ZNF536: variants seen among roughly 807,000 people sequenced by gnomAD.
ZNF536 encodes zinc finger protein 536.
A neutral mutation model predicts 84.5 loss-of-function variants in ZNF536; 13 were observed. The observed-to-expected ratio is 0.15, with a 90% CI of 0.10 to 0.24. The LOEUF (loss-of-function observed/expected upper bound fraction) is 0.24, where lower values mean the gene tolerates loss of function less well. Ranked by LOEUF, ZNF536 falls within the 10% of genes least tolerant of loss-of-function variation. The pLI is 1.00. For missense variants in ZNF536, 1,536 were observed against 1,747.5 expected, an observed-to-expected ratio of 0.88 and a Z score of 2.16; for synonymous variants, 811 against 742.5, an observed-to-expected ratio of 1.09 and a Z score of -1.50.
At chr19:30,517,369 A>C (rs1171742882) in intron 2 of ZNF536, among the ~76,000 whole-genome samples, 2 of 152,100 alleles carry the variant, frequency 1.3e-5, no homozygotes, top group African/African-American at 4.8e-5. Flanking sequence ...CTGAGATGGC[A>C]AATTCAGAGA....
chr19:30,255,083 C>A (rs1199958475), intron 1 of ZNF536, among the ~76,000 whole-genome samples: 1 of 152,084 alleles, frequency 6.6e-6, no homozygotes, highest in African/African-American at 2.4e-5. Flanking sequence ...ATGAAATATC[C>A]CAGAATAATT....
At position 30,652,567 on chromosome 19, in the gene ZNF536, G is replaced by A. The variant is rs146615198; in HGVS notation, c.170-58190G>A. 1.1e-4 allele frequency among the ~76,000 whole-genome samples: 17 copies of A among 152,282 alleles called. No individual in the cohort carries two copies. In the East Asian group the frequency reaches 3.3e-3, roughly 29 times the overall value. On this transcript the variant is annotated intron_variant, in intron 1 of 1. Transcript: ENST00000592773. ...CAGCAGGCATTTCCACCGTCATCCT[G>A]AGGCCCCCATGGATGCAGAGAGGTG...
chr19:30,237,468 T>A lies in ZNF536; in HGVS notation c.-190+8795T>A, dbSNP rs191329319. Reference sequence around the variant, plus strand: ...CAAACACAAAATCATAATATGATAATTTGAGCTTAAACGTGAAGGTATTTA... The same window carrying A: ...CAAACACAAAATCATAATATGATAAATTGAGCTTAAACGTGAAGGTATTTA... On this transcript the variant is annotated intron_variant, in intron 1 of 5. Coordinates refer to the ZNF536 transcript ENST00000585628. 2.5e-4 allele frequency among the ~76,000 whole-genome samples: 38 copies of A among 152,316 alleles called. 1 individual carries two copies. In the East Asian group the frequency reaches 7.1e-3, roughly 29 times the overall value.
intron 1 of ZNF536, among the ~76,000 whole-genome samples, chr19:30,666,832 GTATA>G (rs67781281): frequency 4.7e-5 from 7 of 149,150 alleles, no homozygotes; most frequent in Non-Finnish European, 5.9e-5. Flanking sequence ...GTGTGTGTGT[GTATA>G]TATATATATA....
intron 1 of ZNF536, among the ~76,000 whole-genome samples, chr19:30,608,567 G>C (rs980341868): frequency 9.9e-5 from 15 of 152,154 alleles, no homozygotes; most frequent in African/African-American, 3.1e-4. Context: ...CCTGATTCCA[G>C]TCTGGGACCT....
At chr19:30,688,775 C>T (rs2051295661) in intron 1 of ZNF536, among the ~76,000 whole-genome samples, 1 of 152,160 alleles carries the variant, frequency 6.6e-6, no homozygotes, top group Non-Finnish European at 1.5e-5. Flanking sequence ...GCTTCTAAGG[C>T]GAGTGGGTAG....
At chr19:30,449,068 G>A (rs767000963) in intron 2 of ZNF536, among the ~76,000 whole-genome samples, 21 of 152,178 alleles carry the variant, frequency 1.4e-4, no homozygotes, top group Non-Finnish European at 1.9e-4. Context: ...GATCAACTGC[G>A]AAAACTAGGA....
At chr19:30,506,890 T>C (rs2055196431) in intron 2 of ZNF536, among the ~76,000 whole-genome samples, 1 of 152,230 alleles carries the variant, frequency 6.6e-6, no homozygotes, top group African/African-American at 2.4e-5. Flanking sequence ...TTAACTCTTT[T>C]GCCCTGAGAT....
intron 1 of ZNF536, among the ~76,000 whole-genome samples, chr19:30,709,423 C>T (rs1451602075): frequency 6.6e-6 from 1 of 152,160 alleles, no homozygotes; most frequent in Admixed American, 6.5e-5. Flanking sequence ...CTCACTCACC[C>T]CACCCCCAAA....
chr19:30,589,647 TGTGTTAC>T (rs2047210979), intron 1 of ZNF536, among the ~76,000 whole-genome samples: 1 of 151,902 alleles, frequency 6.6e-6, no homozygotes, highest in Admixed American at 6.6e-5. Flanking sequence ...AAAAGAAGGG[TGTGTTAC>T]CAAGCTGGTC....
rs984726746 is a variant in ZNF536 at position 30,542,469 on chromosome 19, G to A, written c.2324-5474G>A. 4.6e-5 allele frequency among the ~76,000 whole-genome samples: 7 copies of A among 152,306 alleles called. 1 individual carries two copies. In the South Asian group the frequency reaches 6.2e-4, roughly 14 times the overall value. ...TCAGTGGGAAGCTGGCTTACTGTAC[G>A]ACAGTGCCAATAATTTCATTAATCA... On this transcript the variant is annotated intron_variant, in intron 3 of 4. Transcript: ENST00000355537.
chr19:30,310,267 T>C (rs1184159641), intron 2 of ZNF536, among the ~76,000 whole-genome samples: 3 of 152,246 alleles, frequency 2.0e-5, no homozygotes. Context: ...TTTGACCCTG[T>C]GGTTTATTTT....
chr19:30,260,498 G>T (rs2025149831), intron 1 of ZNF536, among the ~76,000 whole-genome samples: 1 of 152,240 alleles, frequency 6.6e-6, no homozygotes, highest in African/African-American at 2.4e-5. Flanking sequence ...GAGGAAGGTT[G>T]GTGGTCCAAG....
rs559455065 is a variant in ZNF536 at position 30,500,459 on chromosome 19, G to A, written c.2171-34388G>A. 5.3e-5 allele frequency among the ~76,000 whole-genome samples: 8 copies of A among 151,234 alleles called. No individual in the cohort carries two copies. In the East Asian group the frequency reaches 7.8e-4, roughly 15 times the overall value. ...CTCACAACCCCGGGCTCATTCCTGG[G>A]TCTAGAATCTCAGCAAGATGCAGTG... On this transcript the variant is annotated intron_variant, in intron 2 of 4. Transcript: ENST00000355537.
intron 2 of ZNF536, among the ~76,000 whole-genome samples, chr19:30,461,038 G>A (rs1421014689): frequency 5.9e-5 from 9 of 152,170 alleles, no homozygotes; most frequent in South Asian, 2.1e-4. Context: ...CCGTGTGGGC[G>A]CGTCGGAGGG....
intron 1 of ZNF536, among the ~76,000 whole-genome samples, chr19:30,648,240 G>A (rs1204165961): frequency 6.6e-6 from 1 of 152,184 alleles, no homozygotes; most frequent in African/African-American, 2.4e-5. Flanking sequence ...ACAAGAAGCG[G>A]TTCCGAGTCC....
chr19:30,594,491 C>T (rs1286020455), intron 1 of ZNF536, among the ~76,000 whole-genome samples: 1 of 152,220 alleles, frequency 6.6e-6, no homozygotes, highest in Non-Finnish European at 1.5e-5. Flanking sequence ...CCCTACCTCC[C>T]TCCAGCACTA....
chr19:30,612,938 C>T (rs2147063389), intron 1 of ZNF536, among the ~76,000 whole-genome samples: 2 of 152,354 alleles, frequency 1.3e-5, no homozygotes, highest in Middle Eastern at 3.4e-3. Flanking sequence ...TTAGCCTCCT[C>T]CAACGTGGGG....
intron 2 of ZNF536, among the ~76,000 whole-genome samples, chr19:30,513,363 C>T (rs1385957320): frequency 6.6e-6 from 1 of 152,116 alleles, no homozygotes; most frequent in Non-Finnish European, 1.5e-5. Flanking sequence ...AGTCCTACAT[C>T]CCAGGTGCAA....
Sources: allele counts gnomAD v4.1 joint callset (sites outside exome capture counted in the v4.1 genomes callset), GRCh38; gene constraint gnomAD v4.1.1; transcripts MANE v1.5; gene names NCBI Gene and HGNC (gene_info 2026-07-23, HGNC 2026-07-21).